The following PDK1 variants were observed in gnomAD, a reference collection of about 807,000 sequenced individuals.
PDK1 encodes [Pyruvate dehydrogenase (acetyl-transferring)] kinase isozyme 1, mitochondrial.
PDK1 carries 39 observed loss-of-function variants against 54.2 expected under a neutral mutation model. The observed-to-expected ratio is 0.72, with a 90% CI of 0.56 to 0.94. The LOEUF (loss-of-function observed/expected upper bound fraction) is 0.94. Among genes scored for constraint, PDK1 ranks in the 40% least tolerant of loss-of-function variants. PDK1 has a pLI of 0.00. For synonymous variants in PDK1, 221 were observed against 207.1 expected (o/e 1.07, Z -0.58); for missense variants, 552 against 566.0 (o/e 0.98, Z 0.25).
At chr2:172,680,538 TA>T in the PDK1 span, among the ~76,000 whole-genome samples, 2 of 152,086 alleles carry the variant, frequency 1.3e-5, no homozygotes, top group African/African-American at 4.8e-5. Context: ...TTTATTTATT[TA>T]TTTTTTGTGG....
chr2:172,629,635 C>T, the PDK1 span, among the ~76,000 whole-genome samples: 3 of 152,184 alleles, frequency 2.0e-5, no homozygotes, highest in Admixed American at 6.5e-5. Flanking sequence ...TCTTCCTGGA[C>T]GCCAAACAAG....
the PDK1 span, among the ~76,000 whole-genome samples, chr2:172,649,921 A>G: frequency 1.3e-5 from 2 of 152,188 alleles, no homozygotes; most frequent in Admixed American, 1.3e-4. Flanking sequence ...TCTTCAGGAT[A>G]TTATCCAGGA....
intron 5 of PDK1, among the ~76,000 whole-genome samples, chr2:172,566,598 G>C (rs1276918626): frequency 1.3e-5 from 2 of 151,098 alleles, no homozygotes; most frequent in Non-Finnish European, 2.9e-5. Context: ...GGGGGCAGTG[G>C]TTCATGCCTG....
At chr2:172,681,602 A>G in the PDK1 span, among the ~76,000 whole-genome samples, 1 of 152,188 alleles carries the variant, frequency 6.6e-6, no homozygotes, top group Admixed American at 6.5e-5. Context: ...ACAGTATGTA[A>G]AGTAGACATG....
chr2:172,623,856 T>A, the PDK1 span, among the ~76,000 whole-genome samples: 7 of 152,230 alleles, frequency 4.6e-5, no homozygotes, highest in Non-Finnish European at 7.3e-5. Flanking sequence ...GGTTGCTCAT[T>A]GGGCACTCCT....
the PDK1 span, among the ~76,000 whole-genome samples, chr2:172,617,521 T>C: frequency 6.6e-6 from 1 of 152,116 alleles, no homozygotes; most frequent in South Asian, 2.1e-4. Flanking sequence ...GCTTCCAAGA[T>C]GGCACCTAGA....
At chr2:172,570,241 A>G (rs917966586) in intron 7 of PDK1, among the ~76,000 whole-genome samples, 3 of 152,226 alleles carry the variant, frequency 2.0e-5, no homozygotes, top group African/African-American at 7.2e-5. Flanking sequence ...CAGCTTTACA[A>G]TGACAATACC....
the PDK1 span, among the ~76,000 whole-genome samples, chr2:172,623,281 G>A: frequency 4.6e-5 from 7 of 152,260 alleles, no homozygotes; most frequent in East Asian, 1.3e-3. Flanking sequence ...TGTACAGAGT[G>A]CCTACCCTCC....
the PDK1 span, among the ~76,000 whole-genome samples, chr2:172,662,597 A>G: frequency 6.6e-6 from 1 of 151,856 alleles, no homozygotes; most frequent in African/African-American, 2.4e-5. Flanking sequence ...TACTGATTAT[A>G]ACTTATTTCA....
At chr2:172,560,563 C>G (rs766098632) in intron 2 of PDK1, among the ~76,000 whole-genome samples, 1 of 152,144 alleles carries the variant, frequency 6.6e-6, no homozygotes, top group Non-Finnish European at 1.5e-5. Flanking sequence ...ATTCAAACCC[C>G]CATTTGTCCA....
At position 172,583,283 on chromosome 2, in the gene PDK1, T is replaced by TTTG. The variant is rs1690016297; in HGVS notation, c.946-2993_946-2992insGTT. 1.7e-4 allele frequency among the ~76,000 whole-genome samples: 16 copies of TTTG among 92,544 alleles called. 1 individual carries two copies. Among genetic ancestry groups the TTTG allele is most frequent in the African/African-American group, 6.9e-4 (14 of 20,200 alleles). 60.7% of individuals were successfully genotyped at this position (92,544 alleles called of 152,430 possible). A position where few individuals can be genotyped will look rare whatever the true frequency, so the allele number is the denominator to read the frequency against. On this transcript the variant is annotated intron_variant, in intron 8 of 10. Coordinates refer to ENST00000282077, the MANE Select transcript of PDK1 (RefSeq NM_002610.5). ...TAATGCTGCATAAAAGTTTTCTGGT[T>TTTG]TTTTTTTTTTTTTTTTTTTTTTTTT...
the PDK1 span, among the ~76,000 whole-genome samples, chr2:172,659,787 C>T: frequency 6.6e-6 from 1 of 152,184 alleles, no homozygotes; most frequent in Non-Finnish European, 1.5e-5. Flanking sequence ...CGTCTCCTAC[C>T]CCAAGCCCTG....
chr2:172,661,874 G>A, the PDK1 span, among the ~76,000 whole-genome samples: 1 of 152,270 alleles, frequency 6.6e-6, no homozygotes, highest in African/African-American at 2.4e-5. Context: ...CCTGTGTGAC[G>A]GGATCATTCG....
At chr2:172,695,824 C>G in the PDK1 span, among the ~76,000 whole-genome samples, 1 of 152,094 alleles carries the variant, frequency 6.6e-6, no homozygotes, top group Non-Finnish European at 1.5e-5. Context: ...CAGCAAAAAG[C>G]TAGGGCCCTC....
At chr2:172,569,352 A>G (rs1442868086) in intron 7 of PDK1, among the ~76,000 whole-genome samples, 1 of 152,148 alleles carries the variant, frequency 6.6e-6, no homozygotes, top group African/African-American at 2.4e-5. Flanking sequence ...TTTCTGCTGT[A>G]ATCTTTGCTC....
Position 172,599,294 on chromosome 2 carries a change from C to G in PDK1, c.*3325C>G, listed in dbSNP as rs1012525458. Reference sequence around the variant, plus strand: ...GGATATAGGCAGCACAATTTCCCTTCATTGTTGAAGCCAACAAGTTCCGTA... The same window carrying G: ...GGATATAGGCAGCACAATTTCCCTTGATTGTTGAAGCCAACAAGTTCCGTA... On this transcript the variant is annotated 3_prime_UTR_variant, in exon 11 of 11. Transcript: ENST00000282077. 5.3e-5 allele frequency: 8 copies of G among 152,112 alleles called. No individual in the cohort carries two copies. The highest frequency in any genetic ancestry group is 1.9e-4 in the African/African-American group (8 of 41,428). The allele number at this position is 152,112 out of a possible 1,614,324, so 9.4% of individuals were successfully genotyped here. A position where few individuals can be genotyped will look rare whatever the true frequency, so the allele number is the denominator to read the frequency against.
At chr2:172,561,011 G>A (rs1688627585) in intron 2 of PDK1, among the ~76,000 whole-genome samples, 1 of 152,078 alleles carries the variant, frequency 6.6e-6, no homozygotes, top group African/African-American at 2.4e-5. Flanking sequence ...ATTTAAAAAA[G>A]CAAAATATGA....
chr2:172,664,336 C>CAAAAAAAA, the PDK1 span, among the ~76,000 whole-genome samples: 1 of 33,610 alleles, frequency 3.0e-5, no homozygotes. Flanking sequence ...AAAAAAAAAG[C>CAAAAAAAA]ATTGCCTTGC....
intron 3 of PDK1, among the ~76,000 whole-genome samples, chr2:172,562,985 T>C (rs1414013730): frequency 2.0e-5 from 3 of 152,250 alleles, no homozygotes; most frequent in African/African-American, 4.8e-5. Flanking sequence ...TTCATTTTTT[T>C]AAACATGATT....
Sources: gnomAD v4.1 joint callset for allele counts (sites outside exome capture counted in the v4.1 genomes callset) on GRCh38, gnomAD v4.1.1 for gene constraint, MANE v1.5 for transcripts, NCBI Gene and HGNC (gene_info 2026-07-23, HGNC 2026-07-21) for gene names.